Variants in DGAT1 observed in about 807,000 individuals in gnomAD.
DGAT1 encodes the protein diacylglycerol O-acyltransferase 1.
In DGAT1, 60 loss-of-function variants were observed where a neutral mutation model predicts 72.6. The ratio of observed to expected loss-of-function variants is 0.83; its 90% CI spans 0.67 to 1.02. The LOEUF (loss-of-function observed/expected upper bound fraction) is 1.02, where lower values mean the gene tolerates loss of function less well. DGAT1 is among the 50% of genes least tolerant of loss of function. The pLI is 0.00. For synonymous variants in DGAT1, 290 were observed against 267.5 expected (o/e 1.08, Z -0.82); for missense variants, 592 against 670.0 (o/e 0.88, Z 1.29).
chr8:144,318,193 G>A (rs1554847534), intron 7 of DGAT1, 24 bp from the exon 8 acceptor site: 2 of 1,609,188 alleles, frequency 1.2e-6, no homozygotes, highest in East Asian at 2.2e-5. Flanking sequence ...AGAGTGGGAG[G>A]GGGCTGGTGG....
In DGAT1 at chr8:144,326,453, C is replaced by A. The variant is rs930349884; in HGVS notation, c.184G>T (p.Gly62Cys). 6.6e-6 allele frequency: 9 copies of A among 1,357,606 alleles called. No individual in the cohort carries two copies. Among genetic ancestry groups the A allele is most frequent in the Middle Eastern group, 2.7e-4 (1 of 3,756 alleles). 84.1% of individuals were successfully genotyped at this position (1,357,606 alleles called of 1,614,324 possible). ...CTCCGCTACCTCAGCTCCCAGTGGCCGCTGCCCACGCCGGCGTCTCCGTCC... is the reference window on the plus strand; with the variant it reads ...CTCCGCTACCTCAGCTCCCAGTGGCAGCTGCCCACGCCGGCGTCTCCGTCC... Reference protein sequence around the residue: ...NKDGDAGVGSGHWELRCHRLQ... With the variant: ...NKDGDAGVGSCHWELRCHRLQ... Residue 62 changes from glycine (G) to cysteine (C), a missense_variant, in exon 1 of 17, where the codon GGC becomes TGC. Transcript: ENST00000528718.
chr8:144,316,583 T>C lies in DGAT1; in HGVS notation c.1438A>G (p.Asn480Asp). Residue 480 changes from asparagine (N) to aspartate (D), a missense_variant, in exon 17 of 17, where the codon AAC becomes GAC. Coordinates refer to ENST00000528718, the MANE Select transcript of DGAT1 (RefSeq NM_012079.6). ...LMYVHDYYVL[N>D]YEAPAAEA is the part of the protein sequence containing the mutation. Reference sequence around the variant, plus strand: ...GCCTCTGCCGCTGGGGCCTCATAGTTGAGCACGTAGTAGTCGTGGACGTAC... The same window carrying C: ...GCCTCTGCCGCTGGGGCCTCATAGTCGAGCACGTAGTAGTCGTGGACGTAC... The C allele has an allele frequency of 6.2e-7, 1 of 1,603,078 alleles. No individual in the cohort carries two copies. The highest frequency in any genetic ancestry group is 8.5e-7 in the Non-Finnish European group (1 of 1,175,460).
rs782459119 is a variant in DGAT1, at chr8:144,318,709, C to A, written c.458G>T (p.Arg153Leu). ...FAVAAFQVEK[R>L]LAVGALTEQA... ...AGGGGCACTGCTTACCACCGCCAGG[C>A]GCTTCTCAACCTGGAATGCAGCCAC... The change falls in exon 5 of 17, where the codon CGC becomes CTC. Residue 153 changes from arginine (R) to leucine (L), a missense_variant. Coordinates refer to ENST00000528718, the MANE Select transcript of DGAT1 (RefSeq NM_012079.6). 1 of 1,608,546 alleles carries A rather than the reference C, an allele frequency of 6.2e-7. No homozygotes were observed. Among genetic ancestry groups the A allele is most frequent in the Non-Finnish European group, 8.5e-7 (1 of 1,177,952 alleles).
chr8:144,316,962 T>C, intron 15 of DGAT1, 47 bp from the exon 16 acceptor site: 1 of 1,612,028 alleles, frequency 6.2e-7, no homozygotes, highest in African/African-American at 1.3e-5. Flanking sequence ...GTGTCAGCCG[T>C]CCCTGCTGTG....
intron 1 of DGAT1, among the ~76,000 whole-genome samples, chr8:144,324,451 C>T (rs1450751858): frequency 3.3e-5 from 5 of 152,186 alleles, no homozygotes; most frequent in African/African-American, 1.2e-4. Context: ...AGCCCTGCTG[C>T]ATCCCTAGGT....
At chr8:144,322,509 G>C (rs1554848304) in intron 1 of DGAT1, among the ~76,000 whole-genome samples, 1 of 152,200 alleles carries the variant, frequency 6.6e-6, no homozygotes, top group Non-Finnish European at 1.5e-5. Context: ...CCCAAGGCAA[G>C]CTGGCTAGGA....
chr8:144,317,174 A>G lies in DGAT1; in HGVS notation c.1160+13T>C. On this transcript the variant is annotated intron_variant, in intron 14 of 16. Transcript: ENST00000528718. ...GCCATGTTCCACATCACACACACAC[A>G]CACCCCACCTACCTGATGCACCACT... 3 of 1,608,038 alleles carry G rather than the reference A, an allele frequency of 1.9e-6. No individual in the cohort carries two copies. Among genetic ancestry groups the G allele is most frequent in the East Asian group, 4.5e-5 (2 of 44,696 alleles).
intron 6 of DGAT1, 40 bp from the exon 7 acceptor site, chr8:144,318,402 C>A: frequency 6.2e-7 from 1 of 1,608,940 alleles, no homozygotes; most frequent in Non-Finnish European, 8.5e-7. Flanking sequence ...AGCGCCACAG[C>A]CGGAGGCCAT....
chr8:144,317,105 A>C lies in DGAT1; in HGVS notation c.1165T>G (p.Phe389Val). The part of the protein sequence containing the change: ...IPVHKWCIRH[F>V]YKPMLRRGSS... ...CCCCGTCGAAGCATGGGCTTGTAGA[A>C]GTGTCTGCAGAGGAGGGGGCATGGA... The change falls in exon 15 of 17, where the codon TTC (phenylalanine) becomes GTC (valine). Residue 389 changes from phenylalanine (F) to valine (V), a missense_variant. Coordinates refer to ENST00000528718, the MANE Select transcript of DGAT1 (RefSeq NM_012079.6). The C allele has an allele frequency of 6.2e-7, 1 of 1,612,984 alleles. No individual in the cohort carries two copies. Among genetic ancestry groups the C allele is most frequent in the Non-Finnish European group, 8.5e-7 (1 of 1,179,880 alleles).
chr8:144,321,284 G>C (rs1245992071), intron 2 of DGAT1, 37 bp downstream of exon 2: 1 of 1,596,654 alleles, frequency 6.3e-7, no homozygotes, highest in Non-Finnish European at 8.6e-7. Flanking sequence ...AGCCCCACCT[G>C]GACCTAGACC....
At chr8:144,318,224 C>T (rs1379515474) in intron 7 of DGAT1, 37 bp downstream of exon 7, 26 of 1,610,376 alleles carry the variant, frequency 1.6e-5, no homozygotes, top group Non-Finnish European at 2.2e-5. Flanking sequence ...CTGCCCAGCC[C>T]CCCAGCAGGC....
At chr8:144,324,480 T>C (rs111335260) in intron 1 of DGAT1, among the ~76,000 whole-genome samples, 4,635 of 152,188 alleles carry the variant, frequency 0.03, 82 homozygotes, top group Middle Eastern at 0.11. Flanking sequence ...CAAGCACACA[T>C]AGCCTGCAAG....
chr8:144,324,965 G>A (rs958865732), intron 1 of DGAT1, among the ~76,000 whole-genome samples: 2 of 152,060 alleles, frequency 1.3e-5, no homozygotes, highest in Admixed American at 1.3e-4. Context: ...TCTGGAGGCT[G>A]AGGCAGGAGA....
chr8:144,320,233 T>C (rs1483420216), intron 2 of DGAT1, among the ~76,000 whole-genome samples: 1 of 152,214 alleles, frequency 6.6e-6, no homozygotes, highest in Non-Finnish European at 1.5e-5. Context: ...GCTTCAGGGC[T>C]GGGCCAAAGG....
intron 8 of DGAT1, 35 bp from the exon 9 acceptor site, chr8:144,318,052 G>A (rs371214641): frequency 6.6e-7 from 1 of 1,520,050 alleles, no homozygotes. Flanking sequence ...ACCAGAACAG[G>A]CCCAGCCTGT....
intron 1 of DGAT1, 114 bp from the exon 2 acceptor site, chr8:144,321,522 T>C: frequency 1.1e-6 from 1 of 932,298 alleles, no homozygotes; most frequent in Non-Finnish European, 1.7e-6. Context: ...CCCCACTCCT[T>C]ATTTACAACC....
In DGAT1 at chr8:144,326,568, CCCG is replaced by C. The variant is rs1171779365; in HGVS notation, c.66_68del (p.Gly23del). The C allele has an allele frequency of 1.3e-5, 16 of 1,250,618 alleles. No homozygotes were observed. In the South Asian group the frequency reaches 1.5e-4, roughly 12 times the overall value. The allele number at this position is 1,250,618 out of a possible 1,614,324, so 77.5% of individuals were successfully genotyped here. A position where few individuals can be genotyped will look rare whatever the true frequency, so the allele number is the denominator to read the frequency against. On this transcript the variant is annotated inframe_deletion, in exon 1 of 17. Transcript: ENST00000528718. ...GCACCTCCTCTTCCGCCGCCGCAGG[CCCG>C]CCGCCGCCGTGGCTCGAGGGCCGCG...
chr8:144,326,547 C>G lies in DGAT1; in HGVS notation c.90G>C (p.Glu30Asp). The G allele has an allele frequency of 7.9e-7, 1 of 1,268,008 alleles. No individual in the cohort carries two copies. The highest frequency in any genetic ancestry group is 9.9e-7 in the Non-Finnish European group (1 of 1,007,958). The allele number at this position is 1,268,008 out of a possible 1,614,324, so 78.5% of individuals were successfully genotyped here. A position where few individuals can be genotyped will look rare whatever the true frequency, so the allele number is the denominator to read the frequency against. Reference sequence around the variant, plus strand: ...CGGGGCCCGCAGCGGCGTCCCGCACCTCCTCTTCCGCCGCCGCAGGCCCGC... The same window carrying G: ...CGGGGCCCGCAGCGGCGTCCCGCACGTCCTCTTCCGCCGCCGCAGGCCCGC... ...GGGGPAAAEE[E>D]VRDAAAGPDV... Residue 30 changes from glutamate to aspartate, a missense_variant, in exon 1 of 17, where the codon GAG becomes GAC. Transcript: ENST00000528718.
chr8:144,325,405 C>T (rs1817573356), intron 1 of DGAT1, among the ~76,000 whole-genome samples: 1 of 152,208 alleles, frequency 6.6e-6, no homozygotes, highest in Non-Finnish European at 1.5e-5. Flanking sequence ...CCAACCCCCT[C>T]CCCATGGTGC....
Sources: allele counts gnomAD v4.1 joint callset (sites outside exome capture counted in the v4.1 genomes callset), GRCh38; gene constraint gnomAD v4.1.1; transcripts MANE v1.5; gene names NCBI Gene and HGNC (gene_info 2026-07-23, HGNC 2026-07-21).